MYO1B: variants seen among roughly 807,000 people sequenced by gnomAD.
The protein encoded by MYO1B is unconventional myosin-Ib.
MYO1B carries 72 observed loss-of-function variants against 159.7 expected under a neutral mutation model. That is an observed-to-expected ratio of 0.45 (90% CI 0.37 to 0.55). MYO1B has a LOEUF of 0.55. MYO1B is among the 20% of genes least tolerant of loss of function. The probability of loss-of-function intolerance (pLI) is 0.00; values close to 1 mark genes in which losing one functional copy is unlikely to be tolerated. For missense variants in MYO1B, 1,062 were observed against 1,364.8 expected (o/e 0.78, Z 3.50); for synonymous variants, 468 against 473.8 (o/e 0.99, Z 0.16).
Position 191,396,556 on chromosome 2 carries a change from T to A in MYO1B, c.2295+59T>A. On this transcript the variant is annotated intron_variant, in intron 21 of 30. Transcript: ENST00000392318. ...GGGTTTTCTGGTTTTTCACAAAGGATAATGTCTTTAGGGTCACCCTGCAGA... is the reference window on the plus strand; with the variant it reads ...GGGTTTTCTGGTTTTTCACAAAGGAAAATGTCTTTAGGGTCACCCTGCAGA... 3 of 1,553,652 alleles carry A rather than the reference T, an allele frequency of 1.9e-6. No homozygotes were observed. The South Asian group carries it at 3.3e-5, about 17-fold the overall frequency.
chr2:191,344,071 T>G (rs1692402197), intron 5 of MYO1B, among the ~76,000 whole-genome samples: 1 of 152,196 alleles, frequency 6.6e-6, no homozygotes, highest in African/African-American at 2.4e-5. Flanking sequence ...TTGAAGCAAT[T>G]CCTTCACTTG....
chr2:191,357,627 C>G (rs1282254551), intron 7 of MYO1B, among the ~76,000 whole-genome samples: 1 of 152,160 alleles, frequency 6.6e-6, no homozygotes, highest in Non-Finnish European at 1.5e-5. Flanking sequence ...AGCAGAGGCT[C>G]AATTGGCGGT....
At chr2:191,378,247 G>A (rs1373349054) in intron 13 of MYO1B, among the ~76,000 whole-genome samples, 1 of 152,072 alleles carries the variant, frequency 6.6e-6, no homozygotes. Flanking sequence ...CTGTTTGGGT[G>A]GATGTGGACC....
chr2:191,354,283 T>TAAA (rs1258197582), intron 7 of MYO1B, among the ~76,000 whole-genome samples: 29 of 148,194 alleles, frequency 2.0e-4, no homozygotes, highest in African/African-American at 7.2e-4. Context: ...ATAATAATAA[T>TAAA]AATAATAATA....
At chr2:191,337,978 CATG>C (rs1691966827) in intron 4 of MYO1B, among the ~76,000 whole-genome samples, 1 of 152,168 alleles carries the variant, frequency 6.6e-6, no homozygotes, top group Non-Finnish European at 1.5e-5. Context: ...CACAAAGTCT[CATG>C]AGGTAACTAT....
At chr2:191,274,480 G>A (rs113414986) in intron 1 of MYO1B, among the ~76,000 whole-genome samples, 2,191 of 152,266 alleles carry the variant, frequency 0.014, 52 homozygotes, top group African/African-American at 0.05. Context: ...CCACCCCAGG[G>A]CAGAGTTCCT....
chr2:191,317,004 A>G (rs566973431), intron 3 of MYO1B, among the ~76,000 whole-genome samples: 1 of 152,350 alleles, frequency 6.6e-6, no homozygotes, highest in South Asian at 2.1e-4. Context: ...TGTTCTCAAC[A>G]TAAATTCGGA....
chr2:191,374,476 C>T (rs1694573063), intron 13 of MYO1B, among the ~76,000 whole-genome samples: 1 of 152,192 alleles, frequency 6.6e-6, no homozygotes, highest in South Asian at 2.1e-4. Flanking sequence ...CATGGCCCTG[C>T]AGTTCCCATG....
chr2:191,361,822 A>G (rs1483922160), intron 8 of MYO1B, among the ~76,000 whole-genome samples: 5 of 152,034 alleles, frequency 3.3e-5, no homozygotes, highest in African/African-American at 1.2e-4. Context: ...CAACAAAATA[A>G]TTCAGATATG....
chr2:191,373,549 G>A (rs73984108), intron 13 of MYO1B, among the ~76,000 whole-genome samples: 23,167 of 152,230 alleles, frequency 0.15, 4,578 homozygotes, highest in African/African-American at 0.46. Flanking sequence ...GCCAACGTGC[G>A]TGGATCACGA....
intron 7 of MYO1B, among the ~76,000 whole-genome samples, chr2:191,358,607 A>C (rs1223114204): frequency 1.3e-5 from 2 of 152,240 alleles, no homozygotes; most frequent in Non-Finnish European, 2.9e-5. Context: ...GCTGTTGCAC[A>C]GTGTAGTGTT....
At chr2:191,332,590 G>A (rs901388202) in intron 4 of MYO1B, among the ~76,000 whole-genome samples, 7 of 152,116 alleles carry the variant, frequency 4.6e-5, no homozygotes, top group African/African-American at 7.2e-5. Flanking sequence ...CACTTATCAC[G>A]TGCTGGGCGG....
intron 3 of MYO1B, among the ~76,000 whole-genome samples, chr2:191,314,551 G>C (rs1409410870): frequency 6.6e-6 from 1 of 152,166 alleles, no homozygotes; most frequent in Non-Finnish European, 1.5e-5. Context: ...CATCCATTGG[G>C]AATTTCAGTA....
Position 191,423,806 on chromosome 2 carries a change from T to C in MYO1B, c.3288-31T>C, listed in dbSNP as rs372993742. On this transcript the variant is annotated intron_variant, in intron 30 of 30. Transcript: ENST00000392318. ...TTGTAATCATGAGCTGTTTTGTGTA[T>C]ACTTTAATTTGTTTTATTCTTTTCT... is the stretch of plus-strand genomic sequence containing the variant. The C allele has an allele frequency of 2.4e-5, 38 of 1,597,040 alleles. No individual in the cohort carries two copies. In the African/African-American group the frequency reaches 4.3e-4, roughly 18 times the overall value.
At chr2:191,288,329 G>T (rs929085163) in intron 2 of MYO1B, among the ~76,000 whole-genome samples, 2 of 151,784 alleles carry the variant, frequency 1.3e-5, no homozygotes, top group South Asian at 2.1e-4. Flanking sequence ...TCACTCTTTG[G>T]GGGGAACTTT....
intron 5 of MYO1B, among the ~76,000 whole-genome samples, chr2:191,342,043 G>A (rs1240182782): frequency 6.6e-6 from 1 of 152,012 alleles, no homozygotes; most frequent in Non-Finnish European, 1.5e-5. Flanking sequence ...TCTTAGCTTG[G>A]GCTGCCATAA....
intron 7 of MYO1B, among the ~76,000 whole-genome samples, chr2:191,357,259 G>T (rs190474725): frequency 2.3e-4 from 35 of 152,210 alleles, no homozygotes; most frequent in South Asian, 4.2e-4. Flanking sequence ...GCCTTGGGGA[G>T]GCTGTCTCTG....
intron 30 of MYO1B, among the ~76,000 whole-genome samples, chr2:191,416,847 A>T (rs1697607111): frequency 6.6e-6 from 1 of 151,496 alleles, no homozygotes. Flanking sequence ...GGCCTCTTTG[A>T]TGTGGTGACA....
chr2:191,346,535 A>G (rs1692579500), intron 6 of MYO1B, among the ~76,000 whole-genome samples: 1 of 152,194 alleles, frequency 6.6e-6, no homozygotes, highest in Non-Finnish European at 1.5e-5. Flanking sequence ...AGCAATTTAA[A>G]TGAGGCTATT....
Sources: allele counts gnomAD v4.1 joint callset (sites outside exome capture counted in the v4.1 genomes callset), GRCh38; gene constraint gnomAD v4.1.1; transcripts MANE v1.5; gene names NCBI Gene and HGNC (gene_info 2026-07-23, HGNC 2026-07-21).